Variants in CRISPLD1 observed in about 807,000 individuals in gnomAD.
CRISPLD1 encodes cysteine-rich secretory protein LCCL domain-containing 1.
Under a neutral mutation model 77.5 loss-of-function variants are expected in CRISPLD1, and 60 were observed. That is an observed-to-expected ratio of 0.77 (90% confidence interval 0.63 to 0.96). CRISPLD1 has a LOEUF of 0.96. Ranked by LOEUF, CRISPLD1 falls within the 40% of genes least tolerant of loss-of-function variation. The pLI, the probability that CRISPLD1 is intolerant of heterozygous loss-of-function variation, is 0.00. For missense variants in CRISPLD1, 623 were observed against 615.8 expected (o/e 1.01, Z -0.12); for synonymous variants, 195 against 200.1 (o/e 0.97, Z 0.22).
At position 75,013,954 on chromosome 8, in the gene CRISPLD1, GCTTTTTCTGAGCCTTTCATTTTT is replaced by G. The variant is rs759806765; in HGVS notation, c.511-30_511-8del. Reference sequence around the variant, plus strand: ...GTGTTGTCCTATTTCATTTCAGCCTGCTTTTTCTGAGCCTTTCATTTTTCTAACATAGGTCGTGTGGGCAACTA... The same window carrying G: ...GTGTTGTCCTATTTCATTTCAGCCTGCTAACATAGGTCGTGTGGGCAACTA... On this transcript the variant is annotated splice_polypyrimidine_tract_variant and intron_variant, in intron 4 of 14. Coordinates refer to ENST00000262207, the MANE Select transcript of CRISPLD1 (RefSeq NM_031461.6). The G allele has an allele frequency of 7.0e-7, 1 of 1,433,942 alleles. No homozygotes were observed. The highest frequency in any genetic ancestry group is 1.7e-5 in the Admixed American group (1 of 59,156). The allele number at this position is 1,433,942 out of a possible 1,614,324, so 88.8% of individuals were successfully genotyped here.
In CRISPLD1 at chr8:75,014,061, A is replaced by G. The variant is rs1334259673; in HGVS notation, c.585A>G (p.Ile195Met). ...ATAACATGAACATCTGGGGGCAGAT[A>G]TGGCCCAAAGCTGTCTACCTGGTGT... is the stretch of plus-strand genomic sequence containing the variant. ...LCHNMNIWGQ[I>M]WPKAVYLVCN... Residue 195 changes from isoleucine (I) to methionine (M), a missense_variant, in exon 5 of 15, where the codon ATA (isoleucine) becomes ATG (methionine). Ile to Met is a conservative substitution (Grantham distance 10, BLOSUM62 1). Coordinates refer to ENST00000262207, the MANE Select transcript of CRISPLD1 (RefSeq NM_031461.6). 35 of 1,613,046 alleles carry G rather than the reference A, an allele frequency of 2.2e-5. No individual in the cohort carries two copies. The highest frequency in any genetic ancestry group is 2.7e-5 in the Non-Finnish European group (32 of 1,179,362).
At chr8:75,021,876 C>T (rs1005229738) in intron 12 of CRISPLD1, among the ~76,000 whole-genome samples, 6 of 151,920 alleles carry the variant, frequency 3.9e-5, no homozygotes, top group East Asian at 1.9e-4. Flanking sequence ...CTACTAAGTA[C>T]GAATATTATG....
chr8:75,030,462 T>G (rs1267447125), intron 14 of CRISPLD1, among the ~76,000 whole-genome samples: 1 of 152,160 alleles, frequency 6.6e-6, no homozygotes, highest in Non-Finnish European at 1.5e-5. Flanking sequence ...TATGCAATTT[T>G]ATAAGCTAAA....
chr8:75,011,542 A>G (rs1015294760), intron 2 of CRISPLD1, among the ~76,000 whole-genome samples: 3 of 152,020 alleles, frequency 2.0e-5, no homozygotes, highest in African/African-American at 2.4e-5. Context: ...CACACATACT[A>G]TACTGCATAT....
At chr8:75,024,435 C>T (rs1004760119) in intron 12 of CRISPLD1, among the ~76,000 whole-genome samples, 1 of 152,128 alleles carries the variant, frequency 6.6e-6, no homozygotes, top group African/African-American at 2.4e-5. Context: ...CAACAATTCT[C>T]CTCCATCAGC....
chr8:75,013,469 C>T (rs1316246534), intron 4 of CRISPLD1, among the ~76,000 whole-genome samples: 1 of 152,134 alleles, frequency 6.6e-6, no homozygotes, highest in East Asian at 1.9e-4. Flanking sequence ...ATAAAGCTCA[C>T]TGCTGATCAG....
intron 13 of CRISPLD1, among the ~76,000 whole-genome samples, chr8:75,029,012 G>C (rs1421740319): frequency 6.6e-6 from 1 of 152,144 alleles, no homozygotes; most frequent in African/African-American, 2.4e-5. Context: ...AGTGAGCCCA[G>C]TATAGAACAA....
intron 2 of CRISPLD1, among the ~76,000 whole-genome samples, chr8:74,991,854 A>C (rs1812578022): frequency 1.3e-5 from 2 of 152,072 alleles, no homozygotes; most frequent in Admixed American, 1.3e-4. Flanking sequence ...CTCCAAACTC[A>C]GCTTAAACCT....
chr8:75,033,223 A>T lies in CRISPLD1; in HGVS notation c.*981A>T, dbSNP rs1435616839. The stretch of plus-strand genomic sequence containing the variant: ...AATCTGTAAAATGTTAGTTTTGGTA[A>T]TTTTTTTTCTGCTGGTGGATTTACA... On this transcript the variant is annotated 3_prime_UTR_variant, in exon 15 of 15. Coordinates refer to ENST00000262207, the MANE Select transcript of CRISPLD1 (RefSeq NM_031461.6). 1 of 152,082 alleles carries T rather than the reference A, an allele frequency of 6.6e-6. No homozygotes were observed. The highest frequency in any genetic ancestry group is 2.4e-5 in the African/African-American group (1 of 41,312). The allele number at this position is 152,082 out of a possible 1,614,324, so 9.4% of individuals were successfully genotyped here.
intron 10 of CRISPLD1, among the ~76,000 whole-genome samples, chr8:75,019,643 C>G (rs947063324): frequency 6.6e-6 from 1 of 151,686 alleles, no homozygotes; most frequent in Non-Finnish European, 1.5e-5. Flanking sequence ...TTTTTGAGAT[C>G]AATAATGAAA....
At chr8:74,987,916 A>G (rs952799858) in intron 2 of CRISPLD1, among the ~76,000 whole-genome samples, 1 of 152,242 alleles carries the variant, frequency 6.6e-6, no homozygotes, top group African/African-American at 2.4e-5. Context: ...TCCAAAAAAA[A>G]TAATAATAAT....
intron 13 of CRISPLD1, among the ~76,000 whole-genome samples, chr8:75,028,046 T>C (rs913120496): frequency 1.1e-4 from 16 of 152,186 alleles, no homozygotes; most frequent in Non-Finnish European, 1.5e-5. Context: ...CTAAGCACTT[T>C]TGTTGCCTTG....
chr8:75,009,765 A>G (rs2128784414), intron 2 of CRISPLD1, among the ~76,000 whole-genome samples: 1 of 152,270 alleles, frequency 6.6e-6, no homozygotes, highest in Non-Finnish European at 1.5e-5. Flanking sequence ...CCAACTTTCT[A>G]GATACAAAAG....
At chr8:75,020,578 A>G (rs905903733) in intron 12 of CRISPLD1, among the ~76,000 whole-genome samples, 1 of 152,182 alleles carries the variant, frequency 6.6e-6, no homozygotes, top group Non-Finnish European at 1.5e-5. Flanking sequence ...ATCCTATTGG[A>G]TGAGGACCCT....
chr8:75,012,378 T>C, intron 2 of CRISPLD1, 55 bp from the exon 3 acceptor site: 1 of 996,652 alleles, frequency 1.0e-6, no homozygotes, highest in Non-Finnish European at 1.6e-6. Context: ...CACTGTGTTC[T>C]GCAGAAGTGT....
At position 75,014,916 on chromosome 8, in the gene CRISPLD1, A is replaced by G. The variant is rs1381576749; in HGVS notation, c.727+4A>G. ...AGAGAAAATCTGTGCTACAAAGGTA[A>G]GTGCTATTGTGTTGTGGTATTCATG... On this transcript the variant is annotated splice_donor_region_variant and intron_variant, in intron 6 of 14. Coordinates refer to ENST00000262207, the MANE Select transcript of CRISPLD1 (RefSeq NM_031461.6). 4 of 1,550,954 alleles carry G rather than the reference A, an allele frequency of 2.6e-6. No homozygotes were observed. The South Asian group carries it at 4.8e-5, about 19-fold the overall frequency.
At chr8:74,993,110 A>C (rs1225542448) in intron 2 of CRISPLD1, among the ~76,000 whole-genome samples, 1 of 152,160 alleles carries the variant, frequency 6.6e-6, no homozygotes, top group East Asian at 1.9e-4. Flanking sequence ...TGTCCAGAAT[A>C]AATGTAGATA....
chr8:75,029,327 A>G (rs2128789204), intron 13 of CRISPLD1, 60 bp from the exon 14 acceptor site: 1 of 1,534,994 alleles, frequency 6.5e-7, no homozygotes. Flanking sequence ...ATAGAAGAAT[A>G]GGCTGGACAA....
Position 75,021,358 on chromosome 8 carries a change from C to T in CRISPLD1, c.1244+1279C>T, listed in dbSNP as rs139811720. On this transcript the variant is annotated intron_variant, in intron 12 of 14. Transcript: ENST00000262207. ...ATAAATGTCCTCACATACAAATAGC[C>T]TGTTTCCTTTCAAATCATTTGTCTC... Among the ~76,000 whole-genome samples, 577 of 152,278 alleles carry T rather than the reference C, an allele frequency of 3.8e-3. 3 individuals are homozygous for T. The highest frequency in any genetic ancestry group is 0.017 in the Middle Eastern group (5 of 294).
Sources: allele counts gnomAD v4.1 joint callset (sites outside exome capture counted in the v4.1 genomes callset), GRCh38; gene constraint gnomAD v4.1.1; transcripts MANE v1.5; gene names NCBI Gene and HGNC (gene_info 2026-07-23, HGNC 2026-07-21).